The following COL4A3 variants were observed in gnomAD, a reference collection of about 807,000 sequenced individuals.
The protein encoded by COL4A3 is collagen alpha-3(IV) chain.
In COL4A3, 135 loss-of-function variants were observed where a neutral mutation model predicts 217.4. The ratio of observed to expected loss-of-function variants is 0.62; its 90% CI spans 0.54 to 0.72. COL4A3 has a LOEUF of 0.72. COL4A3 is among the 30% of genes least tolerant of loss of function. The pLI, the probability that COL4A3 is intolerant of heterozygous loss-of-function variation, is 0.00. For synonymous variants in COL4A3, 690 were observed against 736.3 expected, an observed-to-expected ratio of 0.94 and a Z score of 1.02; for missense variants, 1,868 against 2,119.9, an observed-to-expected ratio of 0.88 and a Z score of 2.33.
At chr2:227,175,387 C>T (rs539135720) in intron 1 of COL4A3, among the ~76,000 whole-genome samples, 1 of 152,246 alleles carries the variant, frequency 6.6e-6, no homozygotes, top group East Asian at 1.9e-4. Context: ...AGGAGAATCG[C>T]TTGAACCTGG....
intron 1 of COL4A3, among the ~76,000 whole-genome samples, chr2:227,200,466 T>C (rs2066641951): frequency 6.6e-6 from 1 of 152,170 alleles, no homozygotes; most frequent in African/African-American, 2.4e-5. Flanking sequence ...TTTTCCATTG[T>C]CCCAAGTACA....
chr2:227,261,225 G>C, intron 20 of COL4A3, 108 bp downstream of exon 20: 1 of 1,005,198 alleles, frequency 9.9e-7, no homozygotes, highest in Non-Finnish European at 1.5e-6. Context: ...TTCATTAACT[G>C]ATCTAGAAGT....
intron 50 of COL4A3, among the ~76,000 whole-genome samples, chr2:227,309,825 C>T (rs2073673061): frequency 6.6e-6 from 1 of 152,074 alleles, no homozygotes; most frequent in Non-Finnish European, 1.5e-5. Flanking sequence ...CTGGGTTTCA[C>T]CATATTGCCC....
At chr2:227,298,004 C>T in intron 42 of COL4A3, 145 bp downstream of exon 42, 1 of 942,010 alleles carries the variant, frequency 1.1e-6, no homozygotes, top group Non-Finnish European at 1.7e-6. Flanking sequence ...TTCCCATACC[C>T]AGCAGTTGTC....
At position 227,282,626 on chromosome 2, in the gene COL4A3, T is replaced by C. The variant is rs1371325930; in HGVS notation, c.2656+94T>C. ...ACATAGGCATACGCTTTTTACTCTATGCTTTTACTTAATATAAGGTTTTCC... is the reference window on the plus strand; with the variant it reads ...ACATAGGCATACGCTTTTTACTCTACGCTTTTACTTAATATAAGGTTTTCC... On this transcript the variant is annotated intron_variant, in intron 32 of 51. Coordinates refer to ENST00000396578, the MANE Select transcript of COL4A3 (RefSeq NM_000091.5). The surrounding 1 kb of genome is among the most constrained non-coding windows in gnomAD (Gnocchi z 4.4). 8.8e-7 allele frequency: 1 copy of C among 1,139,348 alleles called. No individual in the cohort carries two copies. The highest frequency in any genetic ancestry group is 2.4e-5 in the East Asian group (1 of 41,252). The allele number at this position is 1,139,348 out of a possible 1,614,324, so 70.6% of individuals were successfully genotyped here. A position where few individuals can be genotyped will look rare whatever the true frequency, so the allele number is the denominator to read the frequency against.
At position 227,248,429 on chromosome 2, in the gene COL4A3, T is replaced by C. The variant is rs2069484296; in HGVS notation, c.469-14T>C. The C allele has an allele frequency of 6.5e-7, 1 of 1,550,290 alleles. No individual in the cohort carries two copies. The highest frequency in any genetic ancestry group is 2.2e-5 in the East Asian group (1 of 44,542). ...TAACATTGATGATGTTTGATGAACT[T>C]CTTCATTTTCAAGGGTGCTCCTGCT... On this transcript the variant is annotated splice_polypyrimidine_tract_variant and intron_variant, in intron 8 of 51. Coordinates refer to ENST00000396578, the MANE Select transcript of COL4A3 (RefSeq NM_000091.5).
intron 26 of COL4A3, among the ~76,000 whole-genome samples, chr2:227,274,238 A>AAAATAAATAAAAAATAAATAAATAAAT (rs1553757954): frequency 2.1e-5 from 3 of 143,754 alleles, no homozygotes; most frequent in Non-Finnish European, 4.6e-5. Flanking sequence ...TACTGTCTCA[A>AAAATAAATAAAAAATAAATAAATAAAT]AAATAAATAA....
Position 227,270,693 on chromosome 2 carries a change from G to C in COL4A3, c.1576-77G>C, listed in dbSNP as rs144616865. ...TTCATGTTAAAATTGAAAAGTTCTT[G>C]TCCACACTGTTTTTAAGATTGACAG... On this transcript the variant is annotated intron_variant, in intron 24 of 51. Transcript: ENST00000396578. The C allele has an allele frequency of 1.9e-4, 275 of 1,435,730 alleles. 3 individuals are homozygous for C. The East Asian group carries it at 6.3e-3, about 33-fold the overall frequency. The allele number at this position is 1,435,730 out of a possible 1,614,324, so 88.9% of individuals were successfully genotyped here.
intron 1 of COL4A3, among the ~76,000 whole-genome samples, chr2:227,214,384 A>C (rs4392253): frequency 0.87 from 132,063 of 152,256 alleles, 57,914 homozygotes; most frequent in Non-Finnish European, 0.94. Flanking sequence ...TTCCTGTGTT[A>C]TATATAGAGA....
At chr2:227,299,191 C>T (rs971761366) in intron 43 of COL4A3, among the ~76,000 whole-genome samples, 47 of 152,102 alleles carry the variant, frequency 3.1e-4, no homozygotes, top group African/African-American at 8.7e-4. Flanking sequence ...GTCAGGAGAT[C>T]GAGACCATCC....
Position 227,293,196 on chromosome 2 carries a change from T to A in COL4A3, c.3216T>A (p.Asp1072Glu). 1 of 1,613,906 alleles carries A rather than the reference T, an allele frequency of 6.2e-7. No individual in the cohort carries two copies. Among genetic ancestry groups the A allele is most frequent in the Non-Finnish European group, 8.5e-7 (1 of 1,180,020 alleles). ...TRPGPPGPTG[D>E]PGLPGDMGKK... ...GGTATTTGACTACATTTAAGGGGGA[T>A]CCAGGACTGCCGGGTGATATGGGAA... Residue 1072 changes from aspartate (D) to glutamate (E), a missense_variant, in exon 38 of 52, where the codon GAT (aspartate) becomes GAA (glutamate). Physicochemically the swap from Asp to Glu is conservative, Grantham distance 45. Around this residue, in one of 2 missense-constraint regions of COL4A3, gnomAD observed 1,503 missense variants for 1,786.1 expected, o/e 0.84. Coordinates refer to ENST00000396578, the MANE Select transcript of COL4A3 (RefSeq NM_000091.5).
chr2:227,269,467 T>C (rs1256806310), intron 23 of COL4A3, among the ~76,000 whole-genome samples: 1 of 152,192 alleles, frequency 6.6e-6, no homozygotes, highest in Non-Finnish European at 1.5e-5. Context: ...CTTATTGACA[T>C]ATGTATACTA....
chr2:227,245,960 C>G lies in COL4A3; in HGVS notation c.331C>G (p.Pro111Ala), dbSNP rs1559861808. The G allele has an allele frequency of 6.2e-7, 1 of 1,613,852 alleles. No individual in the cohort carries two copies. The highest frequency in any genetic ancestry group is 1.7e-5 in the Admixed American group (1 of 60,008). ...FSGSPGLPGT[P>A]GNTGPYGLVG... ...AGACTTGTTCTTCTTCCAGGGCACC[C>G]CAGGCAATACCGGGCCTTACGGACT... The change falls in exon 6 of 52, where the codon CCA (proline) becomes GCA (alanine). Residue 111 changes from proline to alanine, a missense_variant. Coordinates refer to ENST00000396578, the MANE Select transcript of COL4A3 (RefSeq NM_000091.5).
chr2:227,217,986 A>T (rs1574595363), intron 1 of COL4A3, among the ~76,000 whole-genome samples: 1 of 151,372 alleles, frequency 6.6e-6, no homozygotes, highest in African/African-American at 2.4e-5. Context: ...AGATTCATCC[A>T]TTAAAATACA....
At chr2:227,217,018 G>A (rs941199045) in intron 1 of COL4A3, among the ~76,000 whole-genome samples, 1 of 152,174 alleles carries the variant, frequency 6.6e-6, no homozygotes, top group African/African-American at 2.4e-5. Context: ...TGCTGATAAA[G>A]ATATACCCAA....
At chr2:227,205,332 A>C (rs1003584595) in intron 1 of COL4A3, among the ~76,000 whole-genome samples, 4 of 152,154 alleles carry the variant, frequency 2.6e-5, no homozygotes, top group African/African-American at 9.7e-5. Flanking sequence ...ATATTCTATC[A>C]AATAAAATAA....
intron 46 of COL4A3, among the ~76,000 whole-genome samples, 154 bp from the exon 47 acceptor site, chr2:227,304,831 A>G (rs1417457356): frequency 6.6e-6 from 1 of 152,224 alleles, no homozygotes; most frequent in Non-Finnish European, 1.5e-5. Context: ...AAGTTAGGTG[A>G]CTAATCATCC....
At chr2:227,192,863 A>G (rs1160388591) in intron 1 of COL4A3, among the ~76,000 whole-genome samples, 9 of 152,210 alleles carry the variant, frequency 5.9e-5, no homozygotes, top group African/African-American at 1.2e-4. Context: ...TTACATTTCC[A>G]TTATATTGTG....
chr2:227,277,769 G>A (rs2106134191), intron 28 of COL4A3, among the ~76,000 whole-genome samples: 1 of 152,256 alleles, frequency 6.6e-6, no homozygotes, highest in East Asian at 1.9e-4. Context: ...GGAGGCCAAG[G>A]CAGGCAGATC....
Sources: gnomAD v4.1 joint callset for allele counts (sites outside exome capture counted in the v4.1 genomes callset) on GRCh38, gnomAD v4.1.1 for gene constraint, gnomAD v4.1.1 regional missense constraint, Gnocchi (gnomAD v3.1) non-coding constraint, MANE v1.5 for transcripts, NCBI Gene and HGNC (gene_info 2026-07-23, HGNC 2026-07-21) for gene names.